SGSM1: variants seen among roughly 807,000 people sequenced by gnomAD.
SGSM1 encodes the protein RUN and TBC1 domain containing 2.
SGSM1 carries 73 observed loss-of-function variants against 133.8 expected under a neutral mutation model. The ratio of observed to expected loss-of-function variants is 0.55; its 90% CI spans 0.45 to 0.66. The LOEUF is 0.66. Ranked by LOEUF, SGSM1 falls within the 30% of genes least tolerant of loss-of-function variation. The pLI is 0.00. For missense variants in SGSM1, 1,213 were observed against 1,448.1 expected, an observed-to-expected ratio of 0.84 and a Z score of 2.64; for synonymous variants, 563 against 573.0, an observed-to-expected ratio of 0.98 and a Z score of 0.25.
chr22:24,899,160 T>C lies in SGSM1; in HGVS notation c.2610+601T>C, dbSNP rs567999003. On this transcript the variant is annotated intron_variant, in intron 19 of 24. Transcript: ENST00000400358. ...AAACTGTCCTAATTTTTGTCTTTCC[T>C]GTAAAAAAATTTGTTTTTCCTAGAT... 3.3e-5 allele frequency among the ~76,000 whole-genome samples: 5 copies of C among 152,322 alleles called. No individual in the cohort carries two copies. In the East Asian group the frequency reaches 7.7e-4, roughly 23 times the overall value.
intron 5 of SGSM1, among the ~76,000 whole-genome samples, chr22:24,851,145 C>CT (rs1445857473): frequency 6.6e-6 from 1 of 151,570 alleles, no homozygotes; most frequent in Non-Finnish European, 1.5e-5. Context: ...CATGGTGAGC[C>CT]TTTTTAACGT....
intron 8 of SGSM1, 126 bp from the exon 9 acceptor site, chr22:24,859,590 A>G (rs1601930391): frequency 3.8e-6 from 5 of 1,311,526 alleles, no homozygotes; most frequent in Non-Finnish European, 5.3e-6. Context: ...CCACATGGCC[A>G]GGGCCTTGAA....
chr22:24,868,470 C>G lies in SGSM1; in HGVS notation c.1089C>G (p.Leu363=), dbSNP rs764801332. 24 of 1,613,766 alleles carry G rather than the reference C, an allele frequency of 1.5e-5. No homozygotes were observed. The highest frequency in any genetic ancestry group is 2.0e-5 in the Non-Finnish European group (24 of 1,179,888). ...AGGGCGGGCACCTCCTGCAGTTCCT[C>G]TCGTGCCTGGAGAATGGGCTGCTCC... ...FPKGGHLLQF[L]SCLENGLLPH... is the part of the protein sequence containing the mutation. Residue 363 remains leucine, a synonymous_variant, in exon 11 of 25, where the codon CTC becomes CTG. Coordinates refer to ENST00000400358, the MANE Select transcript of SGSM1 (RefSeq NM_001098497.3).
intron 16 of SGSM1, among the ~76,000 whole-genome samples, chr22:24,888,465 G>T (rs1932733842): frequency 6.6e-6 from 1 of 151,814 alleles, no homozygotes; most frequent in Non-Finnish European, 1.5e-5. Flanking sequence ...AATTGCTCTT[G>T]CACTGTTAAA....
intron 19 of SGSM1, among the ~76,000 whole-genome samples, chr22:24,899,041 A>C (rs948343077): frequency 2.6e-5 from 4 of 151,352 alleles, no homozygotes; most frequent in African/African-American, 7.3e-5. Flanking sequence ...AAAAAAAAAA[A>C]AAAAAACGTG....
chr22:24,824,666 C>T (rs1420295421), intron 2 of SGSM1, among the ~76,000 whole-genome samples: 1 of 152,092 alleles, frequency 6.6e-6, no homozygotes, highest in African/African-American at 2.4e-5. Flanking sequence ...CAGTCACGGG[C>T]GATTTTTTTC....
Position 24,893,431 on chromosome 22 carries a change from G to A in SGSM1, c.1771G>A (p.Val591Met), listed in dbSNP as rs754366500. 1.2e-6 allele frequency: 2 copies of A among 1,613,442 alleles called. No individual in the cohort carries two copies. The highest frequency in any genetic ancestry group is 3.3e-5 in the Admixed American group (2 of 59,928). ...GGTGACATTGCATCTGCCCTGGCAGGTGGACGAGCAGATTCATGCCTGCTA... is the reference window on the plus strand; with the variant it reads ...GGTGACATTGCATCTGCCCTGGCAGATGGACGAGCAGATTCATGCCTGCTA... ...FGMTETERKE[V>M]DEQIHACYAQ... The change falls in exon 17 of 25, where the codon GTG becomes ATG. Residue 591 changes from valine (V) to methionine (M), a missense_variant and splice_region_variant. Val to Met is a conservative substitution (Grantham distance 21). Transcript: ENST00000400358.
intron 8 of SGSM1, among the ~76,000 whole-genome samples, chr22:24,857,407 CAAA>C (rs35981293): frequency 2.5e-5 from 3 of 120,408 alleles, no homozygotes; most frequent in Non-Finnish European, 5.0e-5. Flanking sequence ...GACTCTGTCT[CAAA>C]AAAAAAAAAA....
chr22:24,856,476 G>A (rs1569150129), intron 8 of SGSM1, among the ~76,000 whole-genome samples: 1 of 152,190 alleles, frequency 6.6e-6, no homozygotes. Context: ...TAGGCTGCAG[G>A]GATGGGTGGT....
At chr22:24,920,059 A>T (rs1002439152) in intron 24 of SGSM1, 66 bp downstream of exon 24, 4 of 1,510,466 alleles carry the variant, frequency 2.6e-6, no homozygotes, top group Non-Finnish European at 3.6e-6. Context: ...TGGGCATCTC[A>T]GGAGGAATGA....
intron 9 of SGSM1, among the ~76,000 whole-genome samples, chr22:24,861,677 A>T (rs981313865): frequency 1.3e-5 from 2 of 151,190 alleles, no homozygotes; most frequent in African/African-American, 4.9e-5. Context: ...CCTCCTGAGT[A>T]GCTGGGATTA....
At position 24,924,500 on chromosome 22, in the gene SGSM1, G is replaced by T. The variant is rs1934126020; in HGVS notation, c.*226G>T. ...ACATTTTCCTGTTTGACCAAAGATT[G>T]CCCAAGTCTGGCGTTCCTCCCTTGC... On this transcript the variant is annotated 3_prime_UTR_variant, in exon 25 of 25. Transcript: ENST00000400358. 1 of 539,354 alleles carries T rather than the reference G, an allele frequency of 1.9e-6. No homozygotes were observed. The highest frequency in any genetic ancestry group is 3.3e-6 in the Non-Finnish European group (1 of 301,162). 33.4% of individuals were successfully genotyped at this position (539,354 alleles called of 1,614,324 possible). A position where few individuals can be genotyped will look rare whatever the true frequency, so the allele number is the denominator to read the frequency against.
intron 2 of SGSM1, among the ~76,000 whole-genome samples, chr22:24,823,658 C>T (rs902201778): frequency 4.6e-5 from 7 of 151,518 alleles, no homozygotes; most frequent in East Asian, 1.9e-4. Context: ...CTTGGCTGGA[C>T]GCAGTGGCTC....
chr22:24,912,205 T>C (rs551923277), intron 21 of SGSM1, among the ~76,000 whole-genome samples: 1 of 152,202 alleles, frequency 6.6e-6, no homozygotes, highest in East Asian at 1.9e-4. Flanking sequence ...AAAAATGACA[T>C]TCAGTACACG....
At chr22:24,836,492 T>C (rs556464514) in intron 2 of SGSM1, among the ~76,000 whole-genome samples, 23 of 152,378 alleles carry the variant, frequency 1.5e-4, no homozygotes, top group Admixed American at 5.9e-4. Context: ...CTGGATGATA[T>C]GCTAATTGTA....
chr22:24,874,476 T>C (rs1280803287), intron 12 of SGSM1: 2 of 1,613,712 alleles, frequency 1.2e-6, no homozygotes, highest in African/African-American at 1.3e-5. Context: ...GGATGATGGT[T>C]CCTGCAGGCC....
intron 9 of SGSM1, among the ~76,000 whole-genome samples, chr22:24,862,225 C>T (rs1931196111): frequency 6.6e-6 from 1 of 152,150 alleles, no homozygotes; most frequent in Non-Finnish European, 1.5e-5. Context: ...GCTGGGATTA[C>T]AGGCGTGAGC....
chr22:24,849,520 C>T (rs1930334727), intron 4 of SGSM1, among the ~76,000 whole-genome samples: 1 of 152,130 alleles, frequency 6.6e-6, no homozygotes, highest in Non-Finnish European at 1.5e-5. Context: ...CCATTGCACT[C>T]CAGCCTGGGC....
At chr22:24,821,383 A>G (rs1023558575) in intron 2 of SGSM1, among the ~76,000 whole-genome samples, 4 of 152,202 alleles carry the variant, frequency 2.6e-5, no homozygotes, top group African/African-American at 9.6e-5. Flanking sequence ...GTAGAGAACT[A>G]GGAATGGCAG....
Sources: gnomAD v4.1 joint callset for allele counts (sites outside exome capture counted in the v4.1 genomes callset) on GRCh38, gnomAD v4.1.1 for gene constraint, MANE v1.5 for transcripts, NCBI Gene and HGNC (gene_info 2026-07-23, HGNC 2026-07-21) for gene names.